The following PRPF18 variants were observed in gnomAD, a reference collection of about 807,000 sequenced individuals.
The protein encoded by PRPF18 is pre-mRNA-splicing factor 18.
A neutral mutation model predicts 46.5 loss-of-function variants in PRPF18; 38 were observed. The observed-to-expected ratio is 0.82, with a 90% CI of 0.63 to 1.07. The LOEUF (loss-of-function observed/expected upper bound fraction) is 1.07. Ranked by LOEUF, PRPF18 falls within the 50% of genes least tolerant of loss-of-function variation. The pLI is 0.00. For missense variants in PRPF18, 263 were observed against 410.0 expected (o/e 0.64, Z 3.10); for synonymous variants, 152 against 146.7 (o/e 1.04, Z -0.26).
chr10:13,617,208 A>T (rs1404658340), intron 9 of PRPF18, among the ~76,000 whole-genome samples: 2 of 152,250 alleles, frequency 1.3e-5, no homozygotes, highest in African/African-American at 4.8e-5. Context: ...GACTTGCTGG[A>T]TGATAGTTCT....
At chr10:13,618,722 C>T (rs1240258203) in intron 9 of PRPF18, among the ~76,000 whole-genome samples, 2 of 151,498 alleles carry the variant, frequency 1.3e-5, no homozygotes, top group African/African-American at 4.9e-5. Context: ...GTAGGTTCTC[C>T]AGGGCAAGAA....
chr10:13,633,874 G>A (rs867241661), downstream of PRPF18, among the ~76,000 whole-genome samples: 5 of 152,178 alleles, frequency 3.3e-5, no homozygotes, highest in African/African-American at 4.8e-5. Context: ...TGTCCAGAGC[G>A]CAAGAGCCAG....
At chr10:13,587,204 G>GTT (rs2079886088) in intron 1 of PRPF18, 52 bp downstream of exon 1, 1 of 1,560,422 alleles carries the variant, frequency 6.4e-7, no homozygotes, top group Non-Finnish European at 8.8e-7. Flanking sequence ...GAGTATGTGT[G>GTT]TCGGGGTTTT....
intron 2 of PRPF18, among the ~76,000 whole-genome samples, chr10:13,598,389 A>G (rs1202135103): frequency 6.6e-6 from 1 of 152,172 alleles, no homozygotes; most frequent in Non-Finnish European, 1.5e-5. Flanking sequence ...TCAATATAAG[A>G]TAATACTTTT....
intron 6 of PRPF18, among the ~76,000 whole-genome samples, chr10:13,612,357 C>G (rs1295836169): frequency 6.6e-6 from 1 of 152,188 alleles, no homozygotes; most frequent in Admixed American, 6.5e-5. Flanking sequence ...GCTGCAACCA[C>G]TGCTTCCTGG....
intron 1 of PRPF18, chr10:13,592,039 C>T (rs2079970404): frequency 3.3e-6 from 2 of 613,938 alleles, no homozygotes; most frequent in Non-Finnish European, 5.8e-6. Context: ...TTCTTGTCAC[C>T]ACCAACTGGT....
In PRPF18 at chr10:13,587,146, G is replaced by C; in HGVS notation, c.60G>C (p.Leu20=). Residue 20 remains leucine, a synonymous_variant, in exon 1 of 10, where the codon CTG becomes CTC. Coordinates refer to ENST00000378572, the MANE Select transcript of PRPF18 (RefSeq NM_003675.4). ...RKRQLVEDRN[L]LVENKKYFKR... is the part of the protein sequence containing the mutation. ...GGCAGCTGGTGGAGGACAGGAACCT[G>C]CTGGTGGTGAGGACCCTGCGGTCGT... is the stretch of plus-strand genomic sequence containing the variant. 1 of 1,613,696 alleles carries C rather than the reference G, an allele frequency of 6.2e-7. No homozygotes were observed. The highest frequency in any genetic ancestry group is 1.7e-5 in the Admixed American group (1 of 60,028).
At chr10:13,605,353 G>A (rs912423079) in intron 3 of PRPF18, among the ~76,000 whole-genome samples, 5 of 152,070 alleles carry the variant, frequency 3.3e-5, no homozygotes, top group African/African-American at 1.2e-4. Flanking sequence ...GGAGCCCGAG[G>A]CAGGCGGATC....
chr10:13,632,393 A>G (rs1270512566), downstream of PRPF18, among the ~76,000 whole-genome samples: 1 of 152,178 alleles, frequency 6.6e-6, no homozygotes, highest in East Asian at 1.9e-4. Context: ...TACCAGCGCA[A>G]GTGAGAGACA....
the PRPF18 span, chr10:13,641,515 C>CT: frequency 0.56 from 84,667 of 151,940 alleles, 24,023 homozygotes; most frequent in East Asian, 0.79. Flanking sequence ...TAGATGGGAA[C>CT]TTTAAGGAAT....
At chr10:13,654,666 C>T in the PRPF18 span, 3 of 608,560 alleles carry the variant, frequency 4.9e-6, no homozygotes, top group South Asian at 2.0e-5. Context: ...CTCAGCATCC[C>T]TATGGCATGG....
chr10:13,599,995 C>T (rs908524457), intron 2 of PRPF18, among the ~76,000 whole-genome samples: 2 of 152,134 alleles, frequency 1.3e-5, no homozygotes, highest in East Asian at 1.9e-4. Context: ...TCGTGGTAGT[C>T]GTGTCACTCT....
chr10:13,590,650 A>G (rs1031839888), intron 1 of PRPF18, among the ~76,000 whole-genome samples: 20 of 151,222 alleles, frequency 1.3e-4, no homozygotes, highest in South Asian at 6.3e-4. Context: ...ACTGACATTC[A>G]TAGTTTATAT....
chr10:13,587,295 C>G lies in PRPF18; in HGVS notation c.66+143C>G, dbSNP rs145493001. ...GTCCTGCCACTACCCCTGGTAGGCC[C>G]CCTTAGATCCAACCCTTGGCGTCTC... is the stretch of plus-strand genomic sequence containing the variant. On this transcript the variant is annotated intron_variant, in intron 1 of 9. Coordinates refer to ENST00000378572, the MANE Select transcript of PRPF18 (RefSeq NM_003675.4). 4.8e-6 allele frequency: 4 copies of G among 832,946 alleles called. No individual in the cohort carries two copies. The East Asian group carries it at 7.3e-5, about 15-fold the overall frequency. 51.6% of individuals were successfully genotyped at this position (832,946 alleles called of 1,614,324 possible). A position where few individuals can be genotyped will look rare whatever the true frequency, so the allele number is the denominator to read the frequency against.
At chr10:13,646,751 C>G in the PRPF18 span, 1 of 152,680 alleles carries the variant, frequency 6.5e-6, no homozygotes, top group African/African-American at 2.4e-5. Context: ...ACAGTGGGAC[C>G]GGAACCTTCC....
At chr10:13,649,882 C>CTAAG in the PRPF18 span, among the ~76,000 whole-genome samples, 8 of 152,182 alleles carry the variant, frequency 5.3e-5, no homozygotes, top group Non-Finnish European at 1.2e-4. Flanking sequence ...ACCTAAAAAC[C>CTAAG]TAAGTCAGTC....
chr10:13,613,637 T>C, intron 6 of PRPF18, 104 bp from the exon 7 acceptor site: 2 of 1,221,590 alleles, frequency 1.6e-6, no homozygotes, highest in Non-Finnish European at 2.3e-6. Context: ...TCAAGACATT[T>C]ACTTTAAGGA....
chr10:13,595,023 G>T (rs1021670707), intron 1 of PRPF18, among the ~76,000 whole-genome samples: 1 of 152,152 alleles, frequency 6.6e-6, no homozygotes, highest in African/African-American at 2.4e-5. Context: ...ACTTCGTCAA[G>T]GACATTCTTA....
At chr10:13,642,001 C>T in the PRPF18 span, 1 of 151,828 alleles carries the variant, frequency 6.6e-6, no homozygotes, top group Non-Finnish European at 1.5e-5. Flanking sequence ...AATTACTCTC[C>T]ACACTGTGTT....
Sources: gnomAD v4.1 joint callset for allele counts (sites outside exome capture counted in the v4.1 genomes callset) on GRCh38, gnomAD v4.1.1 for gene constraint, MANE v1.5 for transcripts, NCBI Gene and HGNC (gene_info 2026-07-23, HGNC 2026-07-21) for gene names.